SH3TC2: variants seen among roughly 807,000 people sequenced by gnomAD.
SH3TC2 encodes the protein SH3 domain and tetratricopeptide repeats 2.
SH3TC2 carries 87 observed loss-of-function variants against 124.5 expected under a neutral mutation model. The ratio of observed to expected loss-of-function variants is 0.70; its 90% CI spans 0.59 to 0.84. SH3TC2 has a LOEUF of 0.84. Ranked by LOEUF, SH3TC2 falls within the 40% of genes least tolerant of loss-of-function variation. The pLI is 0.00. For synonymous variants in SH3TC2, 634 were observed against 628.5 expected (o/e 1.01, Z -0.13); for missense variants, 1,536 against 1,566.4 (o/e 0.98, Z 0.33).
intron 8 of SH3TC2, among the ~76,000 whole-genome samples, chr5:149,036,237 G>A (rs1465261212): frequency 6.6e-6 from 1 of 152,138 alleles, no homozygotes; most frequent in Non-Finnish European, 1.5e-5. Flanking sequence ...TGCCTTTTGG[G>A]GACCCTGACT....
rs1266582073 is a variant in SH3TC2 at position 149,026,738 on chromosome 5, T to A, written c.2887A>T (p.Thr963Ser). The A allele has an allele frequency of 1.2e-6, 2 of 1,614,162 alleles. No homozygotes were observed. Among genetic ancestry groups the A allele is most frequent in the South Asian group, 2.2e-5 (2 of 91,082 alleles). The change falls in exon 12 of 17, where the codon ACC becomes TCC. Residue 963 changes from threonine to serine, a missense_variant. Thr to Ser is a moderately conservative substitution (Grantham distance 58). Transcript: ENST00000515425. The stretch of plus-strand genomic sequence containing the variant: ...CTGTAGAAATGGCAGAGGGATTTGG[T>A]GGCCTGAAGCTGACCTGAACACAAA... Reference protein sequence around the residue: ...HRHLKSQLQATKSLCHFYSSV... With the variant: ...HRHLKSQLQASKSLCHFYSSV...
At chr5:149,047,054 ATAT>A (rs751067058) in intron 3 of SH3TC2, 3 of 152,196 alleles carry the variant, frequency 2.0e-5, no homozygotes, top group Non-Finnish European at 4.4e-5. Flanking sequence ...ATGTAAAGTA[ATAT>A]TATCCTTTCC....
At position 148,987,815 on chromosome 5, in the gene SH3TC2, G is replaced by C. The variant is rs1753357646; in HGVS notation, c.*16896C>G. ...TCGAGGCCTCATTCAAAATCTGTGTGTGTGTGTGTGTGTGTGTGTGTGTGT... is the reference window on the plus strand; with the variant it reads ...TCGAGGCCTCATTCAAAATCTGTGTCTGTGTGTGTGTGTGTGTGTGTGTGT... On this transcript the variant is annotated 3_prime_UTR_variant, in exon 17 of 17. Coordinates refer to ENST00000515425, the MANE Select transcript of SH3TC2 (RefSeq NM_024577.4). Among the ~76,000 whole-genome samples, 1 of 119,166 alleles carries C rather than the reference G, an allele frequency of 8.4e-6. No homozygotes were observed. The highest frequency in any genetic ancestry group is 3.8e-5 in the African/African-American group (1 of 26,182). 78.2% of individuals were successfully genotyped at this position (119,166 alleles called of 152,430 possible).
In SH3TC2 at chr5:149,007,053, G is replaced by A. The variant is rs372797350; in HGVS notation, c.3503C>T (p.Ala1168Val). Residue 1168 changes from alanine (A) to valine (V), a missense_variant, in exon 16 of 17, where the codon GCC (alanine) becomes GTC (valine). Around this residue, in one of 3 missense-constraint regions of SH3TC2, gnomAD observed 426 missense variants for 443.5 expected, o/e 0.96. Transcript: ENST00000515425. ...VTGDQRQELV[A>V]FHRLATVYYS... ...GTACACTGTAGCCAGGCGGTGAAAG[G>A]CCACCAGCTCTTGCCTCTGATCTCC... is the stretch of plus-strand genomic sequence containing the variant. 5 of 1,614,030 alleles carry A rather than the reference G, an allele frequency of 3.1e-6. No homozygotes were observed. In the African/African-American group the frequency reaches 6.7e-5, roughly 22 times the overall value.
chr5:149,054,435 C>T (rs1334026916), intron 1 of SH3TC2, among the ~76,000 whole-genome samples: 1 of 152,160 alleles, frequency 6.6e-6, no homozygotes, highest in African/African-American at 2.4e-5. Context: ...TGAGGTTCTG[C>T]ATTTCTGATG....
At chr5:149,012,041 T>C (rs908621249) in intron 13 of SH3TC2, among the ~76,000 whole-genome samples, 2 of 152,164 alleles carry the variant, frequency 1.3e-5, no homozygotes, top group African/African-American at 4.8e-5. Context: ...AGATGTCATA[T>C]GGCAAGCCCA....
Position 148,993,285 on chromosome 5 carries a change from G to C in SH3TC2, c.*11426C>G, listed in dbSNP as rs1002791722. On this transcript the variant is annotated 3_prime_UTR_variant, in exon 17 of 17. Coordinates refer to ENST00000515425, the MANE Select transcript of SH3TC2 (RefSeq NM_024577.4). The stretch of plus-strand genomic sequence containing the variant: ...TTTGACTTAGTAGAAATAAAACTAC[G>C]ATGGAAAATTCAGTGGCAGAAGCTA... Among the ~76,000 whole-genome samples, 4 of 152,080 alleles carry C rather than the reference G, an allele frequency of 2.6e-5. No individual in the cohort carries two copies. Among genetic ancestry groups the C allele is most frequent in the Non-Finnish European group, 5.9e-5 (4 of 68,030 alleles).
At chr5:149,036,672 C>A (rs1273636353) in intron 8 of SH3TC2, among the ~76,000 whole-genome samples, 1 of 152,122 alleles carries the variant, frequency 6.6e-6, no homozygotes, top group Non-Finnish European at 1.5e-5. Flanking sequence ...GTCCTCTGTT[C>A]CCCCTGTGGT....
Position 148,988,519 on chromosome 5 carries a change from G to T in SH3TC2, c.*16192C>A, listed in dbSNP as rs1234235024. Among the ~76,000 whole-genome samples the T allele has an allele frequency of 1.3e-5, 2 of 152,202 alleles. No homozygotes were observed. The highest frequency in any genetic ancestry group is 2.9e-5 in the Non-Finnish European group (2 of 68,040). ...CTAGCTCTTGGAATGCACTCTCTTG[G>T]AACCAGCCACCATGCTGTAAGACGG... On this transcript the variant is annotated 3_prime_UTR_variant, in exon 17 of 17. Transcript: ENST00000515425.
rs1202419378 is a variant in SH3TC2, at chr5:148,999,561, A to G, written c.*5150T>C. On this transcript the variant is annotated 3_prime_UTR_variant, in exon 17 of 17. Coordinates refer to ENST00000515425, the MANE Select transcript of SH3TC2 (RefSeq NM_024577.4). ...AAAAGAGACCAAAACTGACAAGGTCATGAAAAACAAGGAAAGGCAGAAACC... is the reference window on the plus strand; with the variant it reads ...AAAAGAGACCAAAACTGACAAGGTCGTGAAAAACAAGGAAAGGCAGAAACC... 6.6e-6 allele frequency among the ~76,000 whole-genome samples: 1 copy of G among 152,232 alleles called. No homozygotes were observed. The highest frequency in any genetic ancestry group is 1.5e-5 in the Non-Finnish European group (1 of 68,044).
Position 148,995,004 on chromosome 5 carries a change from T to C in SH3TC2, c.*9707A>G, listed in dbSNP as rs942154220. On this transcript the variant is annotated 3_prime_UTR_variant, in exon 17 of 17. Coordinates refer to ENST00000515425, the MANE Select transcript of SH3TC2 (RefSeq NM_024577.4). ...AGGCCTCAAAATACCTTAAAGGTAC[T>C]GCCTATCCCCTGGATCTTTATTCCA... Among the ~76,000 whole-genome samples, 5 of 152,190 alleles carry C rather than the reference T, an allele frequency of 3.3e-5. No homozygotes were observed. The highest frequency in any genetic ancestry group is 7.3e-5 in the Non-Finnish European group (5 of 68,028).
chr5:149,041,708 G>T, intron 5 of SH3TC2, 91 bp from the exon 6 acceptor site: 1 of 1,417,052 alleles, frequency 7.1e-7, no homozygotes, highest in Non-Finnish European at 9.9e-7. Flanking sequence ...ATTCAGAGCT[G>T]GAGTACTTTT....
At chr5:149,046,963 T>C (rs938323980) in intron 3 of SH3TC2, 2 of 152,360 alleles carry the variant, frequency 1.3e-5, no homozygotes, top group African/African-American at 4.8e-5. Flanking sequence ...TTTTGCTGCA[T>C]GACATTTAGA....
intron 6 of SH3TC2, 118 bp from the exon 7 acceptor site, chr5:149,040,795 T>C (rs974321923): frequency 1.1e-6 from 1 of 907,372 alleles, no homozygotes; most frequent in South Asian, 1.4e-5. Context: ...CTTATTTAAA[T>C]GATGGCAAAA....
chr5:149,024,028 G>A, intron 12 of SH3TC2, among the ~76,000 whole-genome samples: 1 of 152,118 alleles, frequency 6.6e-6, no homozygotes, highest in East Asian at 1.9e-4. Flanking sequence ...ATATAGGCCA[G>A]TGTTCTCAAA....
intron 3 of SH3TC2, 40 bp from the exon 4 acceptor site, chr5:149,044,678 A>G (rs1754428302): frequency 2.0e-6 from 3 of 1,497,954 alleles, no homozygotes; most frequent in Admixed American, 3.4e-5. Flanking sequence ...GGATGACAGA[A>G]GTGTCCCATT....
chr5:149,038,746 A>G (rs1420934691), intron 7 of SH3TC2, among the ~76,000 whole-genome samples: 3 of 152,262 alleles, frequency 2.0e-5, no homozygotes, highest in Non-Finnish European at 2.9e-5. Flanking sequence ...AACAAACACA[A>G]AAAAAGATTC....
In SH3TC2 at chr5:148,991,126, C is replaced by A. The variant is rs1019695887; in HGVS notation, c.*13585G>T. On this transcript the variant is annotated 3_prime_UTR_variant, in exon 17 of 17. Coordinates refer to ENST00000515425, the MANE Select transcript of SH3TC2 (RefSeq NM_024577.4). ...AAACGTTTAATATGACCCTTTAAAA[C>A]ACCAGGAACATTCACAGCAAAAGAC... is the stretch of plus-strand genomic sequence containing the variant. Among the ~76,000 whole-genome samples the A allele has an allele frequency of 3.9e-5, 6 of 152,166 alleles. No homozygotes were observed.
Position 149,028,156 on chromosome 5 carries a change from C to A in SH3TC2, c.1576G>T (p.Ala526Ser), listed in dbSNP as rs755221354. The A allele has an allele frequency of 3.1e-6, 5 of 1,613,994 alleles. No homozygotes were observed. The South Asian group carries it at 4.4e-5, about 14-fold the overall frequency. Residue 526 changes from alanine to serine, a missense_variant, in exon 11 of 17, where the codon GCC becomes TCC. By Grantham distance (99) the Ala-to-Ser change is moderately conservative (BLOSUM62 1). Transcript: ENST00000515425. ...AGGAGGAAGCAGAGACGGGCATGGGCCCAGGTCATGTGGCTCTTCTTGGCC... is the reference window on the plus strand; with the variant it reads ...AGGAGGAAGCAGAGACGGGCATGGGACCAGGTCATGTGGCTCTTCTTGGCC... Reference protein sequence around the residue: ...KWAKKSHMTWAHARLCFLLGR... With the variant: ...KWAKKSHMTWSHARLCFLLGR...
Sources: allele counts gnomAD v4.1 joint callset (sites outside exome capture counted in the v4.1 genomes callset), GRCh38; gene constraint gnomAD v4.1.1; regional missense constraint gnomAD v4.1.1; transcripts MANE v1.5; gene names NCBI Gene and HGNC (gene_info 2026-07-23, HGNC 2026-07-21).